Variants in TECPR1 observed in about 807,000 individuals in gnomAD.
TECPR1 encodes the protein tectonin beta-propeller repeat-containing protein 1.
TECPR1 carries 122 observed loss-of-function variants against 162.4 expected under a neutral mutation model. The observed-to-expected ratio is 0.75, with a 90% confidence interval of 0.65 to 0.87. The LOEUF (loss-of-function observed/expected upper bound fraction) is 0.87, where lower values mean the gene tolerates loss of function less well. Among genes scored for constraint, TECPR1 ranks in the 40% least tolerant of loss-of-function variants. The pLI is 0.00. For missense variants in TECPR1, 1,432 were observed against 1,618.2 expected (o/e 0.88, Z 1.97); for synonymous variants, 642 against 670.6 (o/e 0.96, Z 0.66).
chr7:98,238,183 G>A (rs1798647151), intron 9 of TECPR1, among the ~76,000 whole-genome samples: 1 of 152,238 alleles, frequency 6.6e-6, no homozygotes, highest in South Asian at 2.1e-4. Context: ...CAAGAAGTAA[G>A]GTTTGCTAAA....
intron 2 of TECPR1, among the ~76,000 whole-genome samples, chr7:98,249,917 CAA>C (rs111383254): frequency 1.1e-4 from 14 of 132,534 alleles, no homozygotes; most frequent in Admixed American, 2.3e-4. Flanking sequence ...GACTCCATCT[CAA>C]AAAAAAAAAA....
intron 16 of TECPR1, 24 bp downstream of exon 16, chr7:98,229,015 G>A (rs1244765556): frequency 1.9e-5 from 30 of 1,593,282 alleles, no homozygotes; most frequent in Admixed American, 8.6e-5. Flanking sequence ...GGAAGGCTCC[G>A]GGGGGGCTGT....
At chr7:98,222,713 G>T in intron 21 of TECPR1, 192 bp from the exon 22 acceptor site, 1 of 838,544 alleles carries the variant, frequency 1.2e-6, no homozygotes, top group Non-Finnish European at 1.8e-6. Context: ...CCTCCTGCGA[G>T]CAGGGAAAGC....
chr7:98,224,694 T>C (rs1584326642), intron 19 of TECPR1, 107 bp downstream of exon 19: 1 of 1,138,232 alleles, frequency 8.8e-7, no homozygotes, highest in South Asian at 1.5e-5. Context: ...TGGCCAGGCC[T>C]AGGGGGCAGG....
In TECPR1 at chr7:98,215,238, T is replaced by A. The variant is rs1584313777; in HGVS notation, c.*2152A>T. 1 of 152,070 alleles carries A rather than the reference T, an allele frequency of 6.6e-6. No homozygotes were observed. The highest frequency in any genetic ancestry group is 1.5e-5 in the Non-Finnish European group (1 of 68,030). 9.4% of individuals were successfully genotyped at this position (152,070 alleles called of 1,614,324 possible). A position where few individuals can be genotyped will look rare whatever the true frequency, so the allele number is the denominator to read the frequency against. ...GAGAGCTCCGAAGGCGCGATCCCCA[T>A]CCCCACCAGTGGAGAAGCCAGAACC... On this transcript the variant is annotated 3_prime_UTR_variant, in exon 26 of 26. Coordinates refer to ENST00000447648, the MANE Select transcript of TECPR1 (RefSeq NM_015395.3).
At chr7:98,239,971 G>A (rs890924579) in intron 8 of TECPR1, among the ~76,000 whole-genome samples, 1 of 152,020 alleles carries the variant, frequency 6.6e-6, no homozygotes, top group Non-Finnish European at 1.5e-5. Context: ...TTAGCCGGGC[G>A]TGGTGGCGGG....
At chr7:98,245,255 A>G in intron 3 of TECPR1, 188 bp from the exon 4 acceptor site, 1 of 640,238 alleles carries the variant, frequency 1.6e-6, no homozygotes, top group Admixed American at 2.8e-5. Context: ...CTTCATCATG[A>G]GCCAGCAAGT....
chr7:98,242,007 C>A (rs944438537), intron 6 of TECPR1, among the ~76,000 whole-genome samples: 1 of 152,188 alleles, frequency 6.6e-6, no homozygotes, highest in Non-Finnish European at 1.5e-5. Context: ...CTGTTCTCCC[C>A]TCTCTCTCTT....
chr7:98,237,104 C>T (rs148583152), intron 9 of TECPR1, among the ~76,000 whole-genome samples, 183 bp from the exon 10 acceptor site: 2 of 151,926 alleles, frequency 1.3e-5, no homozygotes, highest in East Asian at 3.9e-4. Context: ...TCAGGAGAAG[C>T]TGCGACCTGG....
At chr7:98,234,058 G>T in intron 10 of TECPR1, 147 bp from the exon 11 acceptor site, 1 of 1,126,110 alleles carries the variant, frequency 8.9e-7, no homozygotes. Context: ...CTTCCTCTGT[G>T]CAAGGTATAC....
intron 2 of TECPR1, among the ~76,000 whole-genome samples, chr7:98,247,828 T>A (rs1419256806): frequency 1.3e-5 from 2 of 152,152 alleles, no homozygotes; most frequent in East Asian, 3.9e-4. Flanking sequence ...ACTCAAGCCA[T>A]CCTCCTGCCT....
intron 3 of TECPR1, 186 bp from the exon 4 acceptor site, chr7:98,245,253 T>C: frequency 7.8e-6 from 5 of 643,062 alleles, no homozygotes; most frequent in Middle Eastern, 4.2e-4. Flanking sequence ...CACTTCATCA[T>C]GAGCCAGCAA....
chr7:98,246,588 G>C (rs1562946124), intron 2 of TECPR1, among the ~76,000 whole-genome samples: 1 of 147,072 alleles, frequency 6.8e-6, no homozygotes. Flanking sequence ...TTCTTTTTTT[G>C]TTTATTTTTT....
At chr7:98,227,918 C>T in intron 17 of TECPR1, 96 bp downstream of exon 17, 1 of 913,726 alleles carries the variant, frequency 1.1e-6, no homozygotes, top group Non-Finnish European at 1.7e-6. Context: ...CCAGGCTCTA[C>T]TGGACTCCAC....
intron 2 of TECPR1, among the ~76,000 whole-genome samples, chr7:98,250,018 C>G (rs995713653): frequency 4.6e-5 from 7 of 152,090 alleles, no homozygotes; most frequent in Non-Finnish European, 8.8e-5. Flanking sequence ...GGTGTTGAAA[C>G]AACATTTAAG....
intron 17 of TECPR1, among the ~76,000 whole-genome samples, chr7:98,227,272 A>G (rs1798300219): frequency 6.6e-6 from 1 of 151,624 alleles, no homozygotes; most frequent in Non-Finnish European, 1.5e-5. Context: ...CGCGCCTGTA[A>G]TCCCAGCTAC....
In TECPR1 at chr7:98,236,904, A is replaced by T; in HGVS notation, c.1053T>A (p.Cys351Ter). 6.4e-7 allele frequency: 1 copy of T among 1,565,684 alleles called. No individual in the cohort carries two copies. The highest frequency in any genetic ancestry group is 8.6e-7 in the Non-Finnish European group (1 of 1,156,170). The change falls in exon 10 of 26, where the codon TGT (cysteine) becomes TGA (stop). Residue 351 changes from cysteine to a stop codon, truncating the protein, a stop_gained. Coordinates refer to ENST00000447648, the MANE Select transcript of TECPR1 (RefSeq NM_015395.3). LOFTEE classifies it high-confidence loss of function. ...GCCGGAAGTACACGGCTCGGTCCTC[A>T]CAGCCAATGCCCCACACCTGGAAGA... Reference protein sequence around the residue: ...GMNDQVWGIGCEDRAVYFRQG... With the variant: ...GMNDQVWGIG
At chr7:98,244,435 A>G in intron 5 of TECPR1, 136 bp downstream of exon 5, 1 of 1,174,992 alleles carries the variant, frequency 8.5e-7, no homozygotes, top group Non-Finnish European at 1.2e-6. Context: ...CGGGACAGGA[A>G]ACAGCTCAAA....
chr7:98,236,947 G>A (rs1309016566), intron 9 of TECPR1, 26 bp from the exon 10 acceptor site: 3 of 1,511,398 alleles, frequency 2.0e-6, no homozygotes. Flanking sequence ...TGTGTTCCGA[G>A]GAATCTGGGC....
Sources: allele counts gnomAD v4.1 joint callset (sites outside exome capture counted in the v4.1 genomes callset), GRCh38; gene constraint gnomAD v4.1.1; transcripts MANE v1.5; gene names NCBI Gene and HGNC (gene_info 2026-07-23, HGNC 2026-07-21).